ZC3H12A: variants seen among roughly 807,000 people sequenced by gnomAD.
The protein encoded by ZC3H12A is endoribonuclease ZC3H12A.
ZC3H12A carries 9 observed loss-of-function variants against 29.9 expected under a neutral mutation model. The ratio of observed to expected loss-of-function variants is 0.30; its 90% confidence interval spans 0.18 to 0.53. ZC3H12A has a LOEUF of 0.53. Ranked by LOEUF, ZC3H12A falls within the 20% of genes least tolerant of loss-of-function variation. ZC3H12A has a pLI of 0.96. For synonymous variants in ZC3H12A, 323 were observed against 338.1 expected (o/e 0.96, Z 0.49); for missense variants, 617 against 799.0 (o/e 0.77, Z 2.75).
chr1:37,481,492 C>T lies in ZC3H12A; in HGVS notation c.584-109C>T, dbSNP rs1039940870. On this transcript the variant is annotated intron_variant, in intron 3 of 5. Coordinates refer to ENST00000373087, the MANE Select transcript of ZC3H12A (RefSeq NM_025079.3). ...GCAGAGTTAGTTCTTGCCCCGGTGA[C>T]CTTGGCGTTAACCACTCCTGTGTGT... 12 of 1,051,894 alleles carry T rather than the reference C, an allele frequency of 1.1e-5. No homozygotes were observed. The African/African-American group carries it at 1.3e-4, about 11-fold the overall frequency. 65.2% of individuals were successfully genotyped at this position (1,051,894 alleles called of 1,614,324 possible).
chr1:37,475,414 AGGAGAGAGC>A lies in ZC3H12A; in HGVS notation c.-38-43_-38-35del. 6.9e-7 allele frequency: 1 copy of A among 1,442,536 alleles called. No homozygotes were observed. The highest frequency in any genetic ancestry group is 9.3e-7 in the Non-Finnish European group (1 of 1,071,888). The allele number at this position is 1,442,536 out of a possible 1,614,324, so 89.4% of individuals were successfully genotyped here. A position where few individuals can be genotyped will look rare whatever the true frequency, so the allele number is the denominator to read the frequency against. On this transcript the variant is annotated intron_variant, in intron 1 of 5. Transcript: ENST00000373087. This position sits in a 1 kb window ranked among gnomAD's most constrained non-coding sequence, Gnocchi z 5.2. ...TGGATGTGGTTTTGGGAGGGAGGTT[AGGAGAGAGC>A]GCTATTCACCGTCCCTAACCCTGTT...
In ZC3H12A at chr1:37,476,111, T is replaced by G. The variant is rs1181670163; in HGVS notation, c.443+172T>G. ...TTTTATGAGGCTAGGGTCGCGCTACTGGTAAGTGACAGAGGCAGGGTTCCA... is the reference window on the plus strand; with the variant it reads ...TTTTATGAGGCTAGGGTCGCGCTACGGGTAAGTGACAGAGGCAGGGTTCCA... On this transcript the variant is annotated intron_variant, in intron 2 of 5. Transcript: ENST00000373087. The surrounding 1 kb of genome is among the most constrained non-coding windows in gnomAD (Gnocchi z 6.0). 6.6e-6 allele frequency among the ~76,000 whole-genome samples: 1 copy of G among 152,202 alleles called. No homozygotes were observed. Among genetic ancestry groups the G allele is most frequent in the Non-Finnish European group, 1.5e-5 (1 of 68,030 alleles).
Position 37,481,764 on chromosome 1 carries a change from C to T in ZC3H12A, c.747C>T (p.Leu249=), listed in dbSNP as rs1486621201. Residue 249 remains leucine (L), a synonymous_variant, in exon 4 of 6, where the codon CTC becomes CTT. Coordinates refer to ENST00000373087, the MANE Select transcript of ZC3H12A (RefSeq NM_025079.3). ...IVVSNDTYRD[L]QGERQEWKRF... Reference sequence around the variant, plus strand: ...TTTCCAACGACACATACCGTGACCTCCAAGGCGAGCGGCAGGAGTGGAAGC... The same window carrying T: ...TTTCCAACGACACATACCGTGACCTTCAAGGCGAGCGGCAGGAGTGGAAGC... The T allele has an allele frequency of 1.2e-6, 2 of 1,614,104 alleles. No homozygotes were observed. Among genetic ancestry groups the T allele is most frequent in the Admixed American group, 3.3e-5 (2 of 60,006 alleles).
At chr1:37,481,914 G>C in intron 4 of ZC3H12A, 79 bp downstream of exon 4, 1 of 1,464,446 alleles carries the variant, frequency 6.8e-7, no homozygotes, top group Non-Finnish European at 9.4e-7. Flanking sequence ...GGGTGGAGCT[G>C]GGGGCTGGGC....
chr1:37,483,978 G>GA lies in ZC3H12A; in HGVS notation c.*367_*368insA. The GA allele has an allele frequency of 4.7e-6, 1 of 213,214 alleles. No individual in the cohort carries two copies. Among genetic ancestry groups the GA allele is most frequent in the East Asian group, 1.1e-4 (1 of 8,992 alleles). The allele number at this position is 213,214 out of a possible 1,614,324, so 13.2% of individuals were successfully genotyped here. On this transcript the variant is annotated 3_prime_UTR_variant, in exon 6 of 6. Transcript: ENST00000373087. ...AGCAGAGGCCTGGGCTGGGTGCCCT[G>GA]TGCACGCCACCCCACTTCCGCCCTA...
intron 1 of ZC3H12A, among the ~76,000 whole-genome samples, chr1:37,474,898 C>T (rs906415518): frequency 6.6e-6 from 1 of 152,218 alleles, no homozygotes; most frequent in Non-Finnish European, 1.5e-5. Flanking sequence ...GGGACAGCCT[C>T]GGCGTCACCA....
In ZC3H12A at chr1:37,476,298, G is replaced by C. The variant is rs1197604420; in HGVS notation, c.443+359G>C. ...CCCCTCGGAACCTGATCTCAGGTGG[G>C]TGTTGTGAGGAGGGAGTGTGCGGAT... On this transcript the variant is annotated intron_variant, in intron 2 of 5. Coordinates refer to ENST00000373087, the MANE Select transcript of ZC3H12A (RefSeq NM_025079.3). This position sits in a 1 kb window ranked among gnomAD's most constrained non-coding sequence, Gnocchi z 6.0. Among the ~76,000 whole-genome samples the C allele has an allele frequency of 6.6e-6, 1 of 152,218 alleles. No individual in the cohort carries two copies. Among genetic ancestry groups the C allele is most frequent in the African/African-American group, 2.4e-5 (1 of 41,452 alleles).
chr1:37,482,004 A>G (rs1289172034), intron 4 of ZC3H12A, among the ~76,000 whole-genome samples, 169 bp downstream of exon 4: 22 of 152,200 alleles, frequency 1.4e-4, no homozygotes, highest in Non-Finnish European at 2.9e-5. Context: ...AGCTCACCAC[A>G]TAGGAGAAAT....
At position 37,475,089 on chromosome 1, in the gene ZC3H12A, C is replaced by T. The variant is rs1641554650; in HGVS notation, c.-38-370C>T. Among the ~76,000 whole-genome samples the T allele has an allele frequency of 1.3e-5, 2 of 152,218 alleles. No individual in the cohort carries two copies. Among genetic ancestry groups the T allele is most frequent in the Admixed American group, 6.5e-5 (1 of 15,292 alleles). ...AGTGGGGAAGCCTTGGGCCCCGCAA[C>T]GCACTTCCAGCCCCAGGATTCCATC... On this transcript the variant is annotated intron_variant, in intron 1 of 5. Transcript: ENST00000373087. The surrounding 1 kb of genome is among the most constrained non-coding windows in gnomAD (Gnocchi z 5.2).
rs535750659 is a variant in ZC3H12A, at chr1:37,479,801, C to T, written c.444-489C>T. On this transcript the variant is annotated intron_variant, in intron 2 of 5. Transcript: ENST00000373087. This position sits in a 1 kb window ranked among gnomAD's most constrained non-coding sequence, Gnocchi z 4.5. ...CCGGTGCTTCCCCCGCCCCCACCCACGCTGCAAGAGGCGAGGGAGGGGTGG... is the reference window on the plus strand; with the variant it reads ...CCGGTGCTTCCCCCGCCCCCACCCATGCTGCAAGAGGCGAGGGAGGGGTGG... The T allele has an allele frequency of 4.1e-5, 40 of 985,436 alleles. No individual in the cohort carries two copies. The South Asian group carries it at 1.1e-3, about 28-fold the overall frequency. The allele number at this position is 985,436 out of a possible 1,614,324, so 61.0% of individuals were successfully genotyped here.
chr1:37,478,742 A>G lies in ZC3H12A; in HGVS notation c.444-1548A>G. The G allele has an allele frequency of 1.5e-6, 1 of 647,044 alleles. No homozygotes were observed. Among genetic ancestry groups the G allele is most frequent in the Non-Finnish European group, 1.9e-6 (1 of 520,628 alleles). 40.1% of individuals were successfully genotyped at this position (647,044 alleles called of 1,614,324 possible). ...ACAGTTTTCATCTGAAAAACAGGGA[A>G]GGAGTTGATGATGGTATAGTGCCCT... On this transcript the variant is annotated intron_variant, in intron 2 of 5. Coordinates refer to ENST00000373087, the MANE Select transcript of ZC3H12A (RefSeq NM_025079.3). This position sits in a 1 kb window ranked among gnomAD's most constrained non-coding sequence, Gnocchi z 5.2.
At position 37,476,780 on chromosome 1, in the gene ZC3H12A, C is replaced by T. The variant is rs755164742; in HGVS notation, c.443+841C>T. Among the ~76,000 whole-genome samples the T allele has an allele frequency of 5.3e-5, 8 of 152,222 alleles. No homozygotes were observed. Among genetic ancestry groups the T allele is most frequent in the Non-Finnish European group, 1.2e-4 (8 of 68,030 alleles). ...CTCCACCCTCTGGCCCCACTTTTTT[C>T]CCAGTTCCCTCCAAGGCAGGCTGAT... is the stretch of plus-strand genomic sequence containing the variant. On this transcript the variant is annotated intron_variant, in intron 2 of 5. Coordinates refer to ENST00000373087, the MANE Select transcript of ZC3H12A (RefSeq NM_025079.3). This position sits in a 1 kb window ranked among gnomAD's most constrained non-coding sequence, Gnocchi z 6.0.
intron 3 of ZC3H12A, among the ~76,000 whole-genome samples, chr1:37,480,886 G>C (rs566879219): frequency 6.6e-6 from 1 of 152,222 alleles, no homozygotes; most frequent in Non-Finnish European, 1.5e-5. Flanking sequence ...TGCCTTCCTC[G>C]TGAGGTCATA....
In ZC3H12A at chr1:37,481,600, G is replaced by T; in HGVS notation, c.584-1G>T. 2 of 1,614,120 alleles carry T rather than the reference G, an allele frequency of 1.2e-6. No homozygotes were observed. Among genetic ancestry groups the T allele is most frequent in the South Asian group, 2.2e-5 (2 of 91,052 alleles). On this transcript the variant is annotated splice_acceptor_variant, in intron 3 of 5. Coordinates refer to ENST00000373087, the MANE Select transcript of ZC3H12A (RefSeq NM_025079.3). LOFTEE classifies it high-confidence loss of function. ...ACCTGTGTGCACCCGTCACCTCCCA[G>T]ACCAGCACATCCTGCGGGAACTGGA... is the stretch of plus-strand genomic sequence containing the variant.
rs757765406 is a variant in ZC3H12A, at chr1:37,483,518, G to A, written c.1707G>A (p.Val569=). ...KLCGVFPPHL[V]EAVMGRFPQL... ...GTGGTGTGTTTCCCCCGCACCTGGT[G>A]GAGGCTGTGATGGGGCGCTTCCCAC... The change falls in exon 6 of 6, where the codon GTG becomes GTA. Residue 569 remains valine (V), a synonymous_variant. Transcript: ENST00000373087. 2 of 1,613,900 alleles carry A rather than the reference G, an allele frequency of 1.2e-6. No homozygotes were observed. Among genetic ancestry groups the A allele is most frequent in the Admixed American group, 1.7e-5 (1 of 60,030 alleles).
At position 37,476,788 on chromosome 1, in the gene ZC3H12A, C is replaced by T. The variant is rs1641599426; in HGVS notation, c.443+849C>T. 6.6e-6 allele frequency among the ~76,000 whole-genome samples: 1 copy of T among 152,238 alleles called. No individual in the cohort carries two copies. Among genetic ancestry groups the T allele is most frequent in the African/African-American group, 2.4e-5 (1 of 41,468 alleles). On this transcript the variant is annotated intron_variant, in intron 2 of 5. Coordinates refer to ENST00000373087, the MANE Select transcript of ZC3H12A (RefSeq NM_025079.3). The surrounding 1 kb of genome is among the most constrained non-coding windows in gnomAD (Gnocchi z 6.0). Reference sequence around the variant, plus strand: ...TCTGGCCCCACTTTTTTCCCAGTTCCCTCCAAGGCAGGCTGATGAGTCAGT... The same window carrying T: ...TCTGGCCCCACTTTTTTCCCAGTTCTCTCCAAGGCAGGCTGATGAGTCAGT...
At chr1:37,480,151 C>A (rs1641673313) in intron 2 of ZC3H12A, 139 bp from the exon 3 acceptor site, 1 of 1,418,544 alleles carries the variant, frequency 7.0e-7, no homozygotes, top group Non-Finnish European at 9.3e-7. Flanking sequence ...GCTGGTGACT[C>A]CAAAGGGGAA....
At position 37,484,377 on chromosome 1, in the gene ZC3H12A, A is replaced by G. The variant is rs888363182; in HGVS notation, c.*766A>G. ...AGTACAATCATTGTGAGCCCTTTCA[A>G]GAGGTGATTGTCTTTGTTATGCTCA... On this transcript the variant is annotated 3_prime_UTR_variant, in exon 6 of 6. Coordinates refer to ENST00000373087, the MANE Select transcript of ZC3H12A (RefSeq NM_025079.3). The G allele has an allele frequency of 6.6e-6, 1 of 152,224 alleles. No individual in the cohort carries two copies. Among genetic ancestry groups the G allele is most frequent in the African/African-American group, 2.4e-5 (1 of 41,464 alleles). The allele number at this position is 152,224 out of a possible 1,614,324, so 9.4% of individuals were successfully genotyped here.
Position 37,479,103 on chromosome 1 carries a change from T to G in ZC3H12A, c.444-1187T>G, listed in dbSNP as rs1359226929. The G allele has an allele frequency of 2.0e-6, 2 of 985,294 alleles. No individual in the cohort carries two copies. Among genetic ancestry groups the G allele is most frequent in the Non-Finnish European group, 2.4e-6 (2 of 829,948 alleles). The allele number at this position is 985,294 out of a possible 1,614,324, so 61.0% of individuals were successfully genotyped here. The stretch of plus-strand genomic sequence containing the variant: ...TGGTTGGCCCTGGACTTGCCTCTTT[T>G]GCGTAACATTTATTCTGTTTTATTT... On this transcript the variant is annotated intron_variant, in intron 2 of 5. Coordinates refer to ENST00000373087, the MANE Select transcript of ZC3H12A (RefSeq NM_025079.3). The surrounding 1 kb of genome is among the most constrained non-coding windows in gnomAD (Gnocchi z 4.5).
Sources: allele counts gnomAD v4.1 joint callset (sites outside exome capture counted in the v4.1 genomes callset), GRCh38; gene constraint gnomAD v4.1.1; non-coding constraint Gnocchi (gnomAD v3.1); transcripts MANE v1.5; gene names NCBI Gene and HGNC (gene_info 2026-07-23, HGNC 2026-07-21).